The following FNTA variants were observed in gnomAD, a reference collection of about 807,000 sequenced individuals.
The protein encoded by FNTA is farnesyltransferase, CAAX box, subunit alpha.
In FNTA, 27 loss-of-function variants were observed where a neutral mutation model predicts 55.2. The observed-to-expected ratio is 0.49, with a 90% CI of 0.36 to 0.67. FNTA has a LOEUF of 0.67. FNTA is among the 30% of genes least tolerant of loss of function. FNTA has a pLI of 0.00. For synonymous variants in FNTA, 176 were observed against 170.7 expected (o/e 1.03, Z -0.24); for missense variants, 422 against 464.7 (o/e 0.91, Z 0.85).
At chr8:43,084,072 GAA>G (rs796564498) in intron 7 of FNTA, among the ~76,000 whole-genome samples, 1 of 134,004 alleles carries the variant, frequency 7.5e-6, no homozygotes. Context: ...CTGTCTCAAA[GAA>G]AAAAAAAAAA....
intron 6 of FNTA, chr8:43,080,163 C>T (rs1279545360): frequency 6.6e-6 from 1 of 152,176 alleles, no homozygotes; most frequent in Non-Finnish European, 1.5e-5. Flanking sequence ...GTTGATAAAG[C>T]AGCAGGATAT....
At chr8:43,068,416 T>A (rs1265241436) in intron 3 of FNTA, among the ~76,000 whole-genome samples, 1 of 152,254 alleles carries the variant, frequency 6.6e-6, no homozygotes, top group African/African-American at 2.4e-5. Context: ...TTGTTGGTGG[T>A]GGTGGTTAAA....
intron 7 of FNTA, among the ~76,000 whole-genome samples, chr8:43,084,391 A>G (rs561206424): frequency 6.6e-6 from 1 of 151,734 alleles, no homozygotes. Context: ...GCTGATTTTT[A>G]AAAAAATTTT....
At chr8:43,084,586 T>C in intron 7 of FNTA, 124 bp from the exon 8 acceptor site, 1 of 685,546 alleles carries the variant, frequency 1.5e-6, no homozygotes, top group Admixed American at 3.0e-5. Flanking sequence ...AGTTTCAGCG[T>C]CATTCATTCA....
In FNTA at chr8:43,085,249, A is replaced by G. The variant is rs374000931; in HGVS notation, c.1107A>G (p.Thr369=). Reference sequence around the variant, plus strand: ...GATCCCTTCAAAGCAAACACAGCACAGAAAATGACTCACCAACAAATGTAC... The same window carrying G: ...GATCCCTTCAAAGCAAACACAGCACGGAAAATGACTCACCAACAAATGTAC... ...IGRSLQSKHS[T]ENDSPTNVQQ The change falls in exon 9 of 9, where the codon ACA becomes ACG. Residue 369 remains threonine (T), a synonymous_variant. Transcript: ENST00000302279. The G allele has an allele frequency of 6.8e-6, 11 of 1,609,268 alleles. No individual in the cohort carries two copies. Among genetic ancestry groups the G allele is most frequent in the East Asian group, 2.2e-5 (1 of 44,812 alleles).
intron 8 of FNTA, 90 bp downstream of exon 8, chr8:43,084,971 G>A (rs913919349): frequency 1.4e-5 from 19 of 1,362,220 alleles, no homozygotes; most frequent in African/African-American, 7.3e-5. Context: ...TTTCAACATC[G>A]TTCCTCAGAA....
chr8:43,067,002 C>T (rs751046570), intron 3 of FNTA, among the ~76,000 whole-genome samples: 1 of 152,106 alleles, frequency 6.6e-6, no homozygotes, highest in Non-Finnish European at 1.5e-5. Flanking sequence ...TTTTGCAGAT[C>T]TTATCCTGTT....
At chr8:43,069,811 A>G in intron 4 of FNTA, 152 bp downstream of exon 4, 1 of 579,154 alleles carries the variant, frequency 1.7e-6, no homozygotes, top group East Asian at 3.0e-5. Flanking sequence ...CACCTGGCTA[A>G]TTTTGTATTT....
chr8:43,084,922 A>C, intron 8 of FNTA, 41 bp downstream of exon 8: 4 of 1,563,378 alleles, frequency 2.6e-6, no homozygotes, highest in Non-Finnish European at 3.5e-6. Context: ...TTGGTATCTC[A>C]GAATTGATCT....
rs1243287038 is a variant in FNTA at position 43,075,862 on chromosome 8, CTTTTCT to C, written c.634-1337_634-1332del. 6.2e-4 allele frequency among the ~76,000 whole-genome samples: 94 copies of C among 150,870 alleles called. 3 individuals carry two copies. In the South Asian group the frequency reaches 0.018, roughly 28 times the overall value. On this transcript the variant is annotated intron_variant, in intron 5 of 8. Transcript: ENST00000302279. ...TATCTTTGTCCAATTGTGTATATTT[CTTTTCT>C]TTTTCTTTTTCTTTTTTTTTTTTGG...
At chr8:43,061,993 A>G (rs1327023809) in intron 2 of FNTA, among the ~76,000 whole-genome samples, 1 of 152,158 alleles carries the variant, frequency 6.6e-6, no homozygotes, top group Admixed American at 6.5e-5. Flanking sequence ...TGCTGGGATT[A>G]CAAGCGTGAG....
At chr8:43,084,974 C>G (rs1202962427) in intron 8 of FNTA, 93 bp downstream of exon 8, 3 of 1,341,212 alleles carry the variant, frequency 2.2e-6, no homozygotes, top group African/African-American at 1.5e-5. Context: ...CAACATCGTT[C>G]CTCAGAATTC....
intron 3 of FNTA, among the ~76,000 whole-genome samples, chr8:43,064,537 A>C (rs1374220705): frequency 6.6e-6 from 1 of 152,032 alleles, no homozygotes; most frequent in Non-Finnish European, 1.5e-5. Flanking sequence ...CTGGTCTTGA[A>C]ATCCTGACTT....
At position 43,085,545 on chromosome 8, in the gene FNTA, A is replaced by G. The variant is rs896143982; in HGVS notation, c.*263A>G. On this transcript the variant is annotated 3_prime_UTR_variant, in exon 9 of 9. Coordinates refer to ENST00000302279, the MANE Select transcript of FNTA (RefSeq NM_002027.3). Reference sequence around the variant, plus strand: ...GGAACTTTTGTAGTCTTATCAACATATAATCTAATCCCTTAGCATCAGCTC... The same window carrying G: ...GGAACTTTTGTAGTCTTATCAACATGTAATCTAATCCCTTAGCATCAGCTC... The G allele has an allele frequency of 4.6e-6, 2 of 436,772 alleles. No individual in the cohort carries two copies. The highest frequency in any genetic ancestry group is 8.1e-6 in the Non-Finnish European group (2 of 246,568). 27.1% of individuals were successfully genotyped at this position (436,772 alleles called of 1,614,324 possible).
At chr8:43,066,881 A>T (rs1810673705) in intron 3 of FNTA, among the ~76,000 whole-genome samples, 1 of 152,132 alleles carries the variant, frequency 6.6e-6, no homozygotes, top group Non-Finnish European at 1.5e-5. Context: ...CTCAAAGAGG[A>T]TTAAGTAGTT....
intron 6 of FNTA, 29 bp downstream of exon 6, chr8:43,077,393 G>C: frequency 6.3e-7 from 1 of 1,575,712 alleles, no homozygotes; most frequent in Non-Finnish European, 8.7e-7. Flanking sequence ...TTGCTCATTC[G>C]TTACAAACAT....
chr8:43,072,044 A>G (rs73629110), intron 4 of FNTA, 137 bp from the exon 5 acceptor site: 15,156 of 541,200 alleles, frequency 0.028, 483 homozygotes, highest in African/African-American at 0.11. Flanking sequence ...CCTTTTCTCC[A>G]CAGTGGAGTG....
At chr8:43,058,133 T>A (rs1417282716) in intron 1 of FNTA, among the ~76,000 whole-genome samples, 2 of 152,154 alleles carry the variant, frequency 1.3e-5, no homozygotes, top group Non-Finnish European at 2.9e-5. Flanking sequence ...GTGCTGTGGA[T>A]GTTTTAAGTG....
chr8:43,074,424 C>T (rs918217446), intron 5 of FNTA, among the ~76,000 whole-genome samples: 19 of 152,134 alleles, frequency 1.2e-4, no homozygotes, highest in African/African-American at 4.6e-4. Flanking sequence ...ACTCAGGAGG[C>T]TGAGGCAGGA....
Sources: allele counts gnomAD v4.1 joint callset (sites outside exome capture counted in the v4.1 genomes callset), GRCh38; gene constraint gnomAD v4.1.1; transcripts MANE v1.5; gene names NCBI Gene and HGNC (gene_info 2026-07-23, HGNC 2026-07-21).